Variants in MTERF4 observed in about 807,000 individuals in gnomAD.
MTERF4 encodes the protein mitochondrial transcription termination factor 4.
In MTERF4, 17 loss-of-function variants were observed where a neutral mutation model predicts 22.5. The ratio of observed to expected loss-of-function variants is 0.75; its 90% CI spans 0.52 to 1.13. The LOEUF is 1.13. Ranked by LOEUF, MTERF4 falls within the 50% of genes most tolerant of loss-of-function variation. The pLI is 0.00. For synonymous variants in MTERF4, 165 were observed against 175.3 expected (o/e 0.94, Z 0.47); for missense variants, 420 against 466.8 (o/e 0.90, Z 0.92).
chr2:241,090,571 G>T (rs756438029), downstream of MTERF4: 28 of 1,149,586 alleles, frequency 2.4e-5, no homozygotes, highest in Middle Eastern at 9.3e-4. Context: ...CAGTGCAGTA[G>T]GTTTGTATAC....
chr2:241,099,081 CT>C (rs11343341), intron 2 of MTERF4: 39,189 of 193,544 alleles, frequency 0.2, 4,147 homozygotes, highest in African/African-American at 0.42. Context: ...TATATAAAAT[CT>C]TTTTTTTTTT....
chr2:241,054,628 C>T, the MTERF4 span, among the ~76,000 whole-genome samples: 2 of 152,174 alleles, frequency 1.3e-5, no homozygotes, highest in African/African-American at 4.8e-5. Context: ...ACAAAGTAAA[C>T]ATGGCATTGG....
At chr2:241,100,408 G>C (rs1241296970) in intron 1 of MTERF4, among the ~76,000 whole-genome samples, 1 of 152,142 alleles carries the variant, frequency 6.6e-6, no homozygotes. Context: ...TCAGCCTAAA[G>C]ACCTTATGAG....
chr2:241,049,507 G>A, the MTERF4 span, among the ~76,000 whole-genome samples: 1 of 152,204 alleles, frequency 6.6e-6, no homozygotes, highest in African/African-American at 2.4e-5. Context: ...CTTGCATCAC[G>A]TATAGTTATA....
downstream of MTERF4, chr2:241,067,969 A>G (rs201732235): frequency 3.0e-4 from 400 of 1,319,254 alleles, 1 homozygote; most frequent in African/African-American, 5.3e-3. Flanking sequence ...CACCCAGAGC[A>G]TGGGGCTGGG....
At chr2:241,043,515 AATT>A in the MTERF4 span, among the ~76,000 whole-genome samples, 1 of 152,216 alleles carries the variant, frequency 6.6e-6, no homozygotes, top group Admixed American at 6.5e-5. Context: ...TGTTAAAGGA[AATT>A]ATTTAGTCAG....
the MTERF4 span, among the ~76,000 whole-genome samples, chr2:241,067,120 C>T: frequency 8.5e-5 from 13 of 152,300 alleles, no homozygotes; most frequent in African/African-American, 2.6e-4. Context: ...AGACAGAGCC[C>T]GCCCTGCCCG....
chr2:241,052,547 G>T, the MTERF4 span: 1 of 1,128,696 alleles, frequency 8.9e-7, no homozygotes, highest in African/African-American at 1.6e-5. Flanking sequence ...CCCAAGCAGG[G>T]TACATGGGAT....
the MTERF4 span, among the ~76,000 whole-genome samples, chr2:241,054,985 C>T: frequency 6.6e-6 from 1 of 152,068 alleles, no homozygotes; most frequent in Non-Finnish European, 1.5e-5. Flanking sequence ...GGTGTGGTGG[C>T]ACATGCCTGT....
downstream of MTERF4, chr2:241,093,306 A>G (rs1440406483): frequency 6.5e-6 from 1 of 152,682 alleles, no homozygotes; most frequent in Non-Finnish European, 1.5e-5. Flanking sequence ...CTGTTTGTCC[A>G]TGTAAGCTAC....
downstream of MTERF4, chr2:241,088,675 G>C (rs2063711204): frequency 1.5e-5 from 7 of 463,830 alleles, no homozygotes; most frequent in South Asian, 1.5e-4. Context: ...TCTCTCTCAA[G>C]GGAAATGTGG....
At chr2:241,098,843 C>T (rs1575194030) in intron 2 of MTERF4, among the ~76,000 whole-genome samples, 4 of 152,318 alleles carry the variant, frequency 2.6e-5, no homozygotes, top group South Asian at 2.1e-4. Flanking sequence ...GAAGATCCCA[C>T]GGTGAACAAG....
chr2:241,047,797 TTTC>T, the MTERF4 span, among the ~76,000 whole-genome samples: 2 of 133,848 alleles, frequency 1.5e-5, no homozygotes, highest in Non-Finnish European at 3.3e-5. Context: ...CTCTCTGGTG[TTTC>T]TTGTTCTGTC....
the MTERF4 span, chr2:241,053,205 C>G: frequency 6.2e-7 from 1 of 1,610,048 alleles, no homozygotes; most frequent in Non-Finnish European, 8.5e-7. Flanking sequence ...TGCGCTTCAA[C>G]GGCACGCGGC....
At chr2:241,097,494 G>A in intron 2 of MTERF4, 67 bp from the exon 3 acceptor site, 8 of 1,469,072 alleles carry the variant, frequency 5.4e-6, no homozygotes, top group South Asian at 1.3e-5. Context: ...GGAGCTAGCT[G>A]CACCCAATTT....
downstream of MTERF4, among the ~76,000 whole-genome samples, chr2:241,084,076 TA>T (rs1489381697): frequency 6.6e-6 from 1 of 152,010 alleles, no homozygotes; most frequent in Non-Finnish European, 1.5e-5. Context: ...ATCTTCACCT[TA>T]ACACAATGTA....
chr2:241,096,819 G>C lies in MTERF4; in HGVS notation c.706-381C>G. 1 of 528,918 alleles carries C rather than the reference G, an allele frequency of 1.9e-6. No homozygotes were observed. The highest frequency in any genetic ancestry group is 3.5e-6 in the Non-Finnish European group (1 of 287,612). 32.8% of individuals were successfully genotyped at this position (528,918 alleles called of 1,614,324 possible). ...TGTCATAATTATTACCAAAAAATCGGACAACTGTTAAAATTACATTTTCAA... is the reference window on the plus strand; with the variant it reads ...TGTCATAATTATTACCAAAAAATCGCACAACTGTTAAAATTACATTTTCAA... On this transcript the variant is annotated intron_variant, in intron 3 of 3. Transcript: ENST00000391980. This position sits in a 1 kb window ranked among gnomAD's most constrained non-coding sequence, Gnocchi z 5.1.
downstream of MTERF4, chr2:241,088,732 G>A (rs1253543335): frequency 2.9e-6 from 1 of 347,998 alleles, no homozygotes; most frequent in East Asian, 5.5e-5. Flanking sequence ...AGGCAGGGGG[G>A]TGGGCCCTTG....
downstream of MTERF4, among the ~76,000 whole-genome samples, chr2:241,083,151 G>C (rs549707404): frequency 3.9e-5 from 6 of 152,368 alleles, no homozygotes; most frequent in African/African-American, 1.4e-4. Context: ...GACCAGGAGA[G>C]CCTGCTGGGG....
Sources: gnomAD v4.1 joint callset for allele counts (sites outside exome capture counted in the v4.1 genomes callset) on GRCh38, gnomAD v4.1.1 for gene constraint, Gnocchi (gnomAD v3.1) non-coding constraint, MANE v1.5 for transcripts, NCBI Gene and HGNC (gene_info 2026-07-23, HGNC 2026-07-21) for gene names.